The following CANT1 variants were observed in gnomAD, a reference collection of about 807,000 sequenced individuals.
CANT1 encodes the protein calcium activated nucleotidase 1, also known as soluble calcium-activated nucleotidase 1.
CANT1 carries 26 observed loss-of-function variants against 30.0 expected under a neutral mutation model. That is an observed-to-expected ratio of 0.87 (90% CI 0.64 to 1.20). The LOEUF is 1.20. Ranked by LOEUF, CANT1 falls within the 50% of genes most tolerant of loss-of-function variation. The probability of loss-of-function intolerance (pLI) is 0.00; values close to 1 mark genes in which losing one functional copy is unlikely to be tolerated. For missense variants in CANT1, 518 were observed against 563.0 expected (o/e 0.92, Z 0.81); for synonymous variants, 246 against 251.8 (o/e 0.98, Z 0.22).
In CANT1 at chr17:79,008,537, G is replaced by C. The variant is rs2071630501; in HGVS notation, c.-147+1127C>G. On this transcript the variant is annotated intron_variant, in intron 1 of 4. Coordinates refer to ENST00000392446, the MANE Select transcript of CANT1 (RefSeq NM_001159773.2). The surrounding 1 kb of genome is among the most constrained non-coding windows in gnomAD (Gnocchi z 4.4). ...TGAAAATGTGGTAGGAAAGGCCATA[G>C]GGCATACAACCTCAAGAATAAAATA... 6.6e-6 allele frequency among the ~76,000 whole-genome samples: 1 copy of C among 152,216 alleles called. No individual in the cohort carries two copies. Among genetic ancestry groups the C allele is most frequent in the Non-Finnish European group, 1.5e-5 (1 of 68,042 alleles).
chr17:78,998,731 G>A lies in CANT1; in HGVS notation c.-146-768C>T, dbSNP rs2071132241. 6.6e-6 allele frequency among the ~76,000 whole-genome samples: 1 copy of A among 152,274 alleles called. No homozygotes were observed. The highest frequency in any genetic ancestry group is 2.1e-4 in the South Asian group (1 of 4,838). On this transcript the variant is annotated intron_variant, in intron 1 of 4. Coordinates refer to ENST00000392446, the MANE Select transcript of CANT1 (RefSeq NM_001159773.2). This position sits in a 1 kb window ranked among gnomAD's most constrained non-coding sequence, Gnocchi z 4.5. ...CTCTGGACAGCCGCCAAGTGCCACA[G>A]TGGGGCGTGGGGAGACAGCTCCCGG... is the stretch of plus-strand genomic sequence containing the variant.
chr17:78,998,991 C>T lies in CANT1; in HGVS notation c.-146-1028G>A, dbSNP rs1007397555. ...TTCTGGGCCCCAAATATGTGGACCACGAGGCCCTGGTGCACGGCAGCCAGC... is the reference window on the plus strand; with the variant it reads ...TTCTGGGCCCCAAATATGTGGACCATGAGGCCCTGGTGCACGGCAGCCAGC... On this transcript the variant is annotated intron_variant, in intron 1 of 4. Transcript: ENST00000392446. The surrounding 1 kb of genome is among the most constrained non-coding windows in gnomAD (Gnocchi z 4.5). Among the ~76,000 whole-genome samples, 2 of 152,194 alleles carry T rather than the reference C, an allele frequency of 1.3e-5. No individual in the cohort carries two copies. The highest frequency in any genetic ancestry group is 6.5e-5 in the Admixed American group (1 of 15,278).
Position 78,997,366 on chromosome 17 carries a change from C to T in CANT1, c.257G>A (p.Trp86Ter), listed in dbSNP as rs1372608166. ...AGACAGGGGGTAGGTGTCATTGTAC[C>T]AGTTGGCGGGCGCCTGGCCGAGCCT... ...NWRLGQAPAN[W>*]YNDTYPLSPP... is the part of the protein sequence containing the mutation. Residue 86 changes from tryptophan to a stop codon, truncating the protein, a stop_gained, in exon 3 of 5, where the codon TGG becomes TAG. Transcript: ENST00000392446. LOFTEE classifies it high-confidence loss of function. The surrounding 1 kb of genome is among the most constrained non-coding windows in gnomAD (Gnocchi z 7.5). 6 of 1,613,830 alleles carry T rather than the reference C, an allele frequency of 3.7e-6. No individual in the cohort carries two copies. Among genetic ancestry groups the T allele is most frequent in the Non-Finnish European group, 4.2e-6 (5 of 1,179,944 alleles).
At position 78,995,433 on chromosome 17, in the gene CANT1, G is replaced by C. The variant is rs1383114589; in HGVS notation, c.632-212C>G. 1.3e-5 allele frequency among the ~76,000 whole-genome samples: 2 copies of C among 152,142 alleles called. No individual in the cohort carries two copies. Among genetic ancestry groups the C allele is most frequent in the Non-Finnish European group, 2.9e-5 (2 of 68,024 alleles). Reference sequence around the variant, plus strand: ...CTGAAGGTTCAGTGACCACTCTCAAGTCTCCTCTGATCCCCAACTCCCCGC... The same window carrying C: ...CTGAAGGTTCAGTGACCACTCTCAACTCTCCTCTGATCCCCAACTCCCCGC... On this transcript the variant is annotated intron_variant, in intron 3 of 4. Coordinates refer to ENST00000392446, the MANE Select transcript of CANT1 (RefSeq NM_001159773.2). This position sits in a 1 kb window ranked among gnomAD's most constrained non-coding sequence, Gnocchi z 5.7.
chr17:79,009,301 G>C (rs547711592), intron 1 of CANT1, among the ~76,000 whole-genome samples: 3 of 151,976 alleles, frequency 2.0e-5, no homozygotes, highest in Non-Finnish European at 2.9e-5. Context: ...AATCAGAGGG[G>C]GGAGGTGCCC....
chr17:78,995,339 A>C lies in CANT1; in HGVS notation c.632-118T>G. The C allele has an allele frequency of 9.0e-7, 1 of 1,111,228 alleles. No individual in the cohort carries two copies. The highest frequency in any genetic ancestry group is 1.6e-5 in the African/African-American group (1 of 63,784). The allele number at this position is 1,111,228 out of a possible 1,614,324, so 68.8% of individuals were successfully genotyped here. On this transcript the variant is annotated intron_variant, in intron 3 of 4. Coordinates refer to ENST00000392446, the MANE Select transcript of CANT1 (RefSeq NM_001159773.2). The surrounding 1 kb of genome is among the most constrained non-coding windows in gnomAD (Gnocchi z 5.7). ...CCGCACCTGACTCCCGCCCGGCTCC[A>C]CACCTGCCTCCCCTCCGGCCCGCAC...
Position 78,995,185 on chromosome 17 carries a change from C to T in CANT1, c.668G>A (p.Arg223His), listed in dbSNP as rs138825464. ...KAEWLAVKDE[R>H]LYVGGLGKEW... is the part of the protein sequence containing the mutation. ...CTTGCCCAGGCCGCCCACGTACAGA[C>T]GCTCGTCCTTCACTGCCAGCCATTC... The change falls in exon 4 of 5, where the codon CGT becomes CAT. Residue 223 changes from arginine (R) to histidine (H), a missense_variant. Physicochemically the swap from Arg to His is conservative, Grantham distance 29 (BLOSUM62 0). Transcript: ENST00000392446. This position sits in a 1 kb window ranked among gnomAD's most constrained non-coding sequence, Gnocchi z 5.7. 52 of 1,613,958 alleles carry T rather than the reference C, an allele frequency of 3.2e-5. No individual in the cohort carries two copies. The highest frequency in any genetic ancestry group is 3.0e-4 in the South Asian group (27 of 91,082).
At chr17:79,001,366 C>T (rs1276994087) in intron 1 of CANT1, among the ~76,000 whole-genome samples, 1 of 152,150 alleles carries the variant, frequency 6.6e-6, no homozygotes, top group Non-Finnish European at 1.5e-5. Context: ...CCACTCAGGT[C>T]AGTCCCCCCA....
chr17:78,999,469 T>C (rs900547480), intron 1 of CANT1, among the ~76,000 whole-genome samples: 1 of 152,140 alleles, frequency 6.6e-6, no homozygotes, highest in Non-Finnish European at 1.5e-5. Context: ...TTACCTGCTA[T>C]GCCAATCCCG....
intron 1 of CANT1, among the ~76,000 whole-genome samples, chr17:79,007,020 C>A (rs1416550655): frequency 6.6e-6 from 1 of 152,234 alleles, no homozygotes; most frequent in Non-Finnish European, 1.5e-5. Context: ...AAGTCTTAAG[C>A]CAGACTTCAA....
At position 79,007,532 on chromosome 17, in the gene CANT1, G is replaced by T. The variant is rs1266377057; in HGVS notation, c.-147+2132C>A. 3.3e-5 allele frequency among the ~76,000 whole-genome samples: 5 copies of T among 152,310 alleles called. No homozygotes were observed. In the South Asian group the frequency reaches 1.0e-3, roughly 32 times the overall value. On this transcript the variant is annotated intron_variant, in intron 1 of 4. Coordinates refer to ENST00000392446, the MANE Select transcript of CANT1 (RefSeq NM_001159773.2). ...CATCTACCTATCTACCTATACGGTT[G>T]CCAGAAAGTACCGAGACTCCGAGGA...
chr17:78,994,778 G>T (rs1010860286), intron 4 of CANT1, among the ~76,000 whole-genome samples: 1 of 152,302 alleles, frequency 6.6e-6, no homozygotes. Flanking sequence ...CAATTAGCTG[G>T]GCGTGGTGGT....
rs1029499669 is a variant in CANT1, at chr17:79,002,318, T to C, written c.-146-4355A>G. ...GGCCTCAGTTTACTTCCCGGAGCCA[T>C]GCTGATGGGGTTAGAGAACTGTGCA... On this transcript the variant is annotated intron_variant, in intron 1 of 4. Coordinates refer to ENST00000392446, the MANE Select transcript of CANT1 (RefSeq NM_001159773.2). This position sits in a 1 kb window ranked among gnomAD's most constrained non-coding sequence, Gnocchi z 4.0. Among the ~76,000 whole-genome samples the C allele has an allele frequency of 2.0e-5, 3 of 152,076 alleles. No homozygotes were observed. Among genetic ancestry groups the C allele is most frequent in the Admixed American group, 6.5e-5 (1 of 15,272 alleles).
Position 78,997,156 on chromosome 17 carries a change from G to T in CANT1, c.467C>A (p.Ser156Tyr). Residue 156 changes from serine (S) to tyrosine (Y), a missense_variant, in exon 3 of 5, where the codon TCC (serine) becomes TAC (tyrosine). Ser to Tyr is a moderately radical substitution (Grantham distance 144, BLOSUM62 -2). Transcript: ENST00000392446. The surrounding 1 kb of genome is among the most constrained non-coding windows in gnomAD (Gnocchi z 7.5). ...EWDKDHGVLE[S>Y]HLAEKGRGME... ...GCCTCTCCCCTTCTCCGCCAGGTGGGACTCCAGGACCCCATGGTCTTTGTC... is the reference window on the plus strand; with the variant it reads ...GCCTCTCCCCTTCTCCGCCAGGTGGTACTCCAGGACCCCATGGTCTTTGTC... 1 of 1,614,134 alleles carries T rather than the reference G, an allele frequency of 6.2e-7. No individual in the cohort carries two copies.
Position 78,992,833 on chromosome 17 carries a change from G to A in CANT1, c.*717C>T. 3 of 385,884 alleles carry A rather than the reference G, an allele frequency of 7.8e-6. No individual in the cohort carries two copies. Among genetic ancestry groups the A allele is most frequent in the Admixed American group, 3.6e-5 (1 of 27,502 alleles). The allele number at this position is 385,884 out of a possible 1,614,324, so 23.9% of individuals were successfully genotyped here. ...TTTGGTGATTCCACTTTATAAGAAA[G>A]GAAACTGCTTTAATTAAAGCAGGTT... On this transcript the variant is annotated 3_prime_UTR_variant, in exon 5 of 5. Transcript: ENST00000392446.
intron 1 of CANT1, among the ~76,000 whole-genome samples, chr17:79,005,047 G>A (rs370312594): frequency 5.2e-4 from 11 of 21,028 alleles, no homozygotes; most frequent in East Asian, 2.5e-3. Context: ...GGAGAGGGGA[G>A]CTAGGGAGAG....
At position 78,995,497 on chromosome 17, in the gene CANT1, A is replaced by G. The variant is rs2071007062; in HGVS notation, c.632-276T>C. 1.3e-5 allele frequency among the ~76,000 whole-genome samples: 2 copies of G among 152,180 alleles called. No homozygotes were observed. Among genetic ancestry groups the G allele is most frequent in the Admixed American group, 1.3e-4 (2 of 15,280 alleles). ...ACCCCAACCTTAGGATTATCCTTAAAGGCTAGAAAAGCTGAAAAGTGACAG... is the reference window on the plus strand; with the variant it reads ...ACCCCAACCTTAGGATTATCCTTAAGGGCTAGAAAAGCTGAAAAGTGACAG... On this transcript the variant is annotated intron_variant, in intron 3 of 4. Transcript: ENST00000392446. The surrounding 1 kb of genome is among the most constrained non-coding windows in gnomAD (Gnocchi z 5.7).
Position 78,991,720 on chromosome 17 carries a change from C to G in CANT1, c.*1830G>C, listed in dbSNP as rs1361954240. 1 of 204,516 alleles carries G rather than the reference C, an allele frequency of 4.9e-6. No homozygotes were observed. Among genetic ancestry groups the G allele is most frequent in the Non-Finnish European group, 1.0e-5 (1 of 99,934 alleles). 12.7% of individuals were successfully genotyped at this position (204,516 alleles called of 1,614,324 possible). A position where few individuals can be genotyped will look rare whatever the true frequency, so the allele number is the denominator to read the frequency against. On this transcript the variant is annotated 3_prime_UTR_variant, in exon 5 of 5. Transcript: ENST00000392446. ...ACAGACCGGGAGACAGAAAACTACA[C>G]TCCCTCAGACGCTTTATTGTTTACA...
rs897888895 is a variant in CANT1, at chr17:78,993,416, C to T, written c.*134G>A. The T allele has an allele frequency of 7.3e-6, 10 of 1,361,236 alleles. No individual in the cohort carries two copies. Among genetic ancestry groups the T allele is most frequent in the Non-Finnish European group, 8.2e-6 (8 of 981,028 alleles). The allele number at this position is 1,361,236 out of a possible 1,614,324, so 84.3% of individuals were successfully genotyped here. ...TCCAGTGCCCGCACCACTATGGGGC[C>T]CGGGACTGGGCTCCCTGTCCAGACC... On this transcript the variant is annotated 3_prime_UTR_variant, in exon 5 of 5. Coordinates refer to ENST00000392446, the MANE Select transcript of CANT1 (RefSeq NM_001159773.2). This position sits in a 1 kb window ranked among gnomAD's most constrained non-coding sequence, Gnocchi z 4.5.
Sources: gnomAD v4.1 joint callset for allele counts (sites outside exome capture counted in the v4.1 genomes callset) on GRCh38, gnomAD v4.1.1 for gene constraint, Gnocchi (gnomAD v3.1) non-coding constraint, MANE v1.5 for transcripts, NCBI Gene and HGNC (gene_info 2026-07-23, HGNC 2026-07-21) for gene names.